The following PREX2 variants were observed in gnomAD, a reference collection of about 807,000 sequenced individuals.
The protein encoded by PREX2 is phosphatidylinositol 3,4,5-trisphosphate-dependent Rac exchanger 2 protein.
PREX2 carries 107 observed loss-of-function variants against 203.2 expected under a neutral mutation model. The observed-to-expected ratio is 0.53, with a 90% CI of 0.45 to 0.62. PREX2 has a LOEUF of 0.62. Among genes scored for constraint, PREX2 ranks in the 20% least tolerant of loss-of-function variants. PREX2 has a pLI of 0.00. For synonymous variants in PREX2, 672 were observed against 663.6 expected (o/e 1.01, Z -0.19); for missense variants, 1,777 against 1,955.9 (o/e 0.91, Z 1.72).
intron 18 of PREX2, among the ~76,000 whole-genome samples, chr8:68,087,517 A>G (rs1328161831): frequency 6.6e-6 from 1 of 152,180 alleles, no homozygotes; most frequent in Non-Finnish European, 1.5e-5. Context: ...TTCAGGCTTT[A>G]CTGTGTAACG....
intron 19 of PREX2, among the ~76,000 whole-genome samples, chr8:68,090,090 A>T (rs1585778548): frequency 6.6e-6 from 1 of 152,192 alleles, no homozygotes; most frequent in Admixed American, 6.5e-5. Flanking sequence ...AACCAGTCCA[A>T]TCATAGTTGC....
At chr8:68,212,753 A>G (rs1373226257) in intron 37 of PREX2, among the ~76,000 whole-genome samples, 1 of 152,204 alleles carries the variant, frequency 6.6e-6, no homozygotes, top group African/African-American at 2.4e-5. Context: ...TCTAGCATGG[A>G]TGATCAAATT....
chr8:68,054,413 C>T (rs1252181864), intron 9 of PREX2, among the ~76,000 whole-genome samples: 1 of 151,762 alleles, frequency 6.6e-6, no homozygotes, highest in East Asian at 1.9e-4. Flanking sequence ...AGCACATTCT[C>T]TAAAACTGCT....
intron 21 of PREX2, among the ~76,000 whole-genome samples, chr8:68,096,275 A>T (rs917311344): frequency 3.3e-5 from 5 of 152,154 alleles, no homozygotes; most frequent in Non-Finnish European, 7.3e-5. Flanking sequence ...CTTTAAGATA[A>T]ATCAATATTC....
chr8:68,051,369 T>G (rs970387281), intron 8 of PREX2, among the ~76,000 whole-genome samples: 2 of 152,116 alleles, frequency 1.3e-5, no homozygotes, highest in Admixed American at 6.6e-5. Context: ...ATGTGGGATC[T>G]TTTAAGCTGC....
At chr8:68,039,997 A>G (rs900117178) in intron 7 of PREX2, among the ~76,000 whole-genome samples, 2 of 152,062 alleles carry the variant, frequency 1.3e-5, no homozygotes, top group Admixed American at 6.6e-5. Context: ...CAAAGCCCTC[A>G]TTGGCTTCCT....
At chr8:68,018,362 G>A (rs542066841) in intron 2 of PREX2, among the ~76,000 whole-genome samples, 6 of 152,204 alleles carry the variant, frequency 3.9e-5, no homozygotes, top group South Asian at 4.1e-4. Flanking sequence ...AGCTACTCTC[G>A]AGGCTGAGGC....
At chr8:68,067,104 T>C (rs545013157) in intron 11 of PREX2, among the ~76,000 whole-genome samples, 5 of 152,248 alleles carry the variant, frequency 3.3e-5, no homozygotes, top group African/African-American at 9.6e-5. Flanking sequence ...TCCAGTACCA[T>C]GCTGTTTTTA....
chr8:68,220,962 C>T (rs1370106931), intron 38 of PREX2, among the ~76,000 whole-genome samples: 2 of 152,074 alleles, frequency 1.3e-5, no homozygotes, highest in African/African-American at 4.8e-5. Context: ...GAACCCATCA[C>T]CCAAACAGTA....
In PREX2 at chr8:67,975,200, A is replaced by G. The variant is rs114957862; in HGVS notation, c.141+22665A>G. ...CCAACCAAAGTTCATGGTCTCCTCTAGTCGGGGCCTCTCAGTCTTTTGAAA... is the reference window on the plus strand; with the variant it reads ...CCAACCAAAGTTCATGGTCTCCTCTGGTCGGGGCCTCTCAGTCTTTTGAAA... On this transcript the variant is annotated intron_variant, in intron 1 of 39. Transcript: ENST00000288368. Among the ~76,000 whole-genome samples, 1,310 of 150,610 alleles carry G rather than the reference A, an allele frequency of 8.7e-3. 14 individuals carry two copies. The highest frequency in any genetic ancestry group is 0.03 in the African/African-American group (1,227 of 40,854).
intron 1 of PREX2, among the ~76,000 whole-genome samples, chr8:67,979,687 T>C (rs1359332643): frequency 2.0e-5 from 3 of 152,250 alleles, no homozygotes; most frequent in Admixed American, 6.5e-5. Flanking sequence ...GTCTTTCAGC[T>C]ACTAAGCTTA....
At chr8:67,986,756 C>G (rs956386328) in intron 1 of PREX2, among the ~76,000 whole-genome samples, 4 of 152,056 alleles carry the variant, frequency 2.6e-5, no homozygotes, top group Non-Finnish European at 5.9e-5. Context: ...AACAGTAAGG[C>G]CAAGAGCTTC....
At chr8:68,096,959 T>C (rs1485714489) in intron 21 of PREX2, 58 bp from the exon 22 acceptor site, 48 of 1,399,040 alleles carry the variant, frequency 3.4e-5, no homozygotes, top group Non-Finnish European at 4.4e-5. Flanking sequence ...ACAAAATTAT[T>C]TGAGGAGATT....
intron 1 of PREX2, among the ~76,000 whole-genome samples, chr8:67,956,255 C>G (rs1287422986): frequency 6.6e-6 from 1 of 152,226 alleles, no homozygotes; most frequent in African/African-American, 2.4e-5. Flanking sequence ...CAACCTGTTT[C>G]CTGTTTGCAA....
intron 34 of PREX2, among the ~76,000 whole-genome samples, chr8:68,150,429 T>C (rs1354312953): frequency 6.6e-6 from 1 of 152,208 alleles, no homozygotes; most frequent in Non-Finnish European, 1.5e-5. Flanking sequence ...GGCTAAGCTG[T>C]GGCATGACCA....
At chr8:68,006,832 G>T (rs561336572) in intron 1 of PREX2, among the ~76,000 whole-genome samples, 35 of 152,284 alleles carry the variant, frequency 2.3e-4, no homozygotes, top group Non-Finnish European at 4.1e-4. Context: ...GATGTTAGGG[G>T]ATATTTGGGA....
intron 35 of PREX2, among the ~76,000 whole-genome samples, chr8:68,178,483 T>C (rs968295948): frequency 1.3e-5 from 2 of 152,066 alleles, no homozygotes; most frequent in African/African-American, 4.8e-5. Flanking sequence ...TTGTTTTTTT[T>C]TCTTTTAAAT....
intron 17 of PREX2, chr8:68,082,880 A>G (rs1210049607): frequency 1.2e-5 from 2 of 165,340 alleles, no homozygotes; most frequent in Non-Finnish European, 2.6e-5. Flanking sequence ...TTCTGAGTTA[A>G]TTGGCTATAG....
chr8:67,964,539 A>G (rs1248858963), intron 1 of PREX2, among the ~76,000 whole-genome samples: 3 of 152,194 alleles, frequency 2.0e-5, no homozygotes, highest in Non-Finnish European at 2.9e-5. Context: ...CTAAAATAAT[A>G]TATTCTTTCC....
Sources: allele counts gnomAD v4.1 joint callset (sites outside exome capture counted in the v4.1 genomes callset), GRCh38; gene constraint gnomAD v4.1.1; transcripts MANE v1.5; gene names NCBI Gene and HGNC (gene_info 2026-07-23, HGNC 2026-07-21).